Variants in VGLL4 observed in about 807,000 individuals in gnomAD.
The protein encoded by VGLL4 is vestigial like family member 4.
Under a neutral mutation model 21.0 loss-of-function variants are expected in VGLL4, and 7 were observed. The observed-to-expected ratio is 0.33, with a 90% CI of 0.19 to 0.63. The LOEUF (loss-of-function observed/expected upper bound fraction) is 0.63, where lower values mean the gene tolerates loss of function less well. VGLL4 is among the 20% of genes least tolerant of loss of function. The pLI, the probability that VGLL4 is intolerant of heterozygous loss-of-function variation, is 0.78. For synonymous variants in VGLL4, 222 were observed against 173.2 expected, an observed-to-expected ratio of 1.28 and a Z score of -2.21; for missense variants, 394 against 425.7, an observed-to-expected ratio of 0.93 and a Z score of 0.66.
intron 2 of VGLL4, among the ~76,000 whole-genome samples, chr3:11,680,162 C>T (rs1460437404): frequency 6.6e-6 from 1 of 152,226 alleles, no homozygotes; most frequent in East Asian, 1.9e-4. Context: ...GGTGATCCCA[C>T]ACAGCCTAGG....
At chr3:11,559,717 T>G (rs1215427668) in intron 3 of VGLL4, among the ~76,000 whole-genome samples, 2 of 152,158 alleles carry the variant, frequency 1.3e-5, no homozygotes, top group Non-Finnish European at 2.9e-5. Context: ...AACTGTTGAG[T>G]TGGTCTGTCC....
chr3:11,673,124 C>T (rs1311356870), intron 2 of VGLL4, among the ~76,000 whole-genome samples: 1 of 151,994 alleles, frequency 6.6e-6, no homozygotes, highest in Non-Finnish European at 1.5e-5. Context: ...GAATGTCTTC[C>T]CTGCCCTTAA....
At chr3:11,591,011 G>A (rs560151864) in intron 2 of VGLL4, among the ~76,000 whole-genome samples, 1 of 152,272 alleles carries the variant, frequency 6.6e-6, no homozygotes, top group South Asian at 2.1e-4. Context: ...GTCACAGTAA[G>A]AGGTCTATGA....
intron 2 of VGLL4, among the ~76,000 whole-genome samples, chr3:11,601,600 C>T (rs1313526918): frequency 1.3e-5 from 2 of 152,178 alleles, no homozygotes; most frequent in African/African-American, 4.8e-5. Context: ...GTTTAACATG[C>T]GGAAGGTCCT....
intron 2 of VGLL4, among the ~76,000 whole-genome samples, chr3:11,597,885 T>C (rs1446728814): frequency 1.1e-4 from 17 of 152,088 alleles, no homozygotes; most frequent in Non-Finnish European, 1.5e-5. Context: ...TAATAATGAG[T>C]TCAAATACAC....
intron 2 of VGLL4, among the ~76,000 whole-genome samples, chr3:11,669,165 T>C (rs1451866255): frequency 6.6e-6 from 1 of 152,232 alleles, no homozygotes; most frequent in Non-Finnish European, 1.5e-5. Context: ...TAATTAAATA[T>C]TCTTAAAAAT....
At chr3:11,683,034 A>G (rs912573330) in intron 2 of VGLL4, among the ~76,000 whole-genome samples, 1 of 152,046 alleles carries the variant, frequency 6.6e-6, no homozygotes, top group African/African-American at 2.4e-5. Context: ...TCAAGACCAA[A>G]TGGCCAACAT....
chr3:11,696,424 A>G lies in VGLL4; in HGVS notation c.64+6547T>C, dbSNP rs55728464. On this transcript the variant is annotated intron_variant, in intron 2 of 5. Transcript: ENST00000273038. ...TGCCCCTTTGCTGTACCATGCCTCA[A>G]TCGAGTCCACCTTGTAGATGCTGAT... 3.0e-3 allele frequency among the ~76,000 whole-genome samples: 462 copies of G among 152,276 alleles called. 4 individuals are homozygous for G. Among genetic ancestry groups the G allele is most frequent in the African/African-American group, 0.01 (435 of 41,546 alleles).
intron 1 of VGLL4, among the ~76,000 whole-genome samples, chr3:11,628,370 A>G (rs1441863120): frequency 6.6e-6 from 1 of 152,064 alleles, no homozygotes; most frequent in Non-Finnish European, 1.5e-5. Flanking sequence ...CCTGGGCAAC[A>G]AGAGTGAAAC....
rs139718108 is a variant in VGLL4 at position 11,654,378 on chromosome 3, CAG to C, written c.64+48591_64+48592del. 5.2e-3 allele frequency among the ~76,000 whole-genome samples: 789 copies of C among 152,262 alleles called. 10 individuals are homozygous for C. The highest frequency in any genetic ancestry group is 0.018 in the African/African-American group (750 of 41,552). On this transcript the variant is annotated intron_variant, in intron 2 of 5. Coordinates refer to the VGLL4 transcript ENST00000273038. The stretch of plus-strand genomic sequence containing the variant: ...TCGCGACAATGCGGAGATGAGGAAA[CAG>C]ATACCAAGCAGGCTCCTTGGCTCCT...
chr3:11,657,763 C>T (rs1031997876), intron 2 of VGLL4, among the ~76,000 whole-genome samples: 2 of 152,080 alleles, frequency 1.3e-5, no homozygotes, highest in Admixed American at 6.6e-5. Flanking sequence ...CAGTGTTCTA[C>T]GAAACTATTC....
intron 3 of VGLL4, among the ~76,000 whole-genome samples, chr3:11,563,927 G>A (rs1020225565): frequency 6.6e-6 from 1 of 152,180 alleles, no homozygotes; most frequent in Admixed American, 6.5e-5. Context: ...ATCAGACACG[G>A]ACACCAGGCA....
At chr3:11,609,299 A>G (rs2075010650) in intron 1 of VGLL4, among the ~76,000 whole-genome samples, 1 of 152,350 alleles carries the variant, frequency 6.6e-6, no homozygotes, top group African/African-American at 2.4e-5. Flanking sequence ...TTTACTGCTC[A>G]TCAAGAAATA....
chr3:11,591,936 T>C (rs2074508950), intron 2 of VGLL4, among the ~76,000 whole-genome samples: 1 of 152,246 alleles, frequency 6.6e-6, no homozygotes, highest in African/African-American at 2.4e-5. Context: ...TATTGCAGTT[T>C]CCACATTAGT....
At chr3:11,569,472 G>A (rs1456477884) in intron 2 of VGLL4, among the ~76,000 whole-genome samples, 1 of 152,216 alleles carries the variant, frequency 6.6e-6, no homozygotes, top group Non-Finnish European at 1.5e-5. Flanking sequence ...AAAGCAGCCC[G>A]TCCCCATGCC....
At chr3:11,584,221 G>A (rs1212347179) in intron 2 of VGLL4, among the ~76,000 whole-genome samples, 3 of 152,144 alleles carry the variant, frequency 2.0e-5, no homozygotes, top group African/African-American at 7.2e-5. Flanking sequence ...AGAGAAAGAA[G>A]ATGAATACTC....
intron 2 of VGLL4, among the ~76,000 whole-genome samples, chr3:11,595,149 G>A (rs1481056519): frequency 6.6e-6 from 1 of 151,462 alleles, no homozygotes; most frequent in East Asian, 1.9e-4. Context: ...CAACAAGAGT[G>A]AAACTCCATC....
intron 2 of VGLL4, among the ~76,000 whole-genome samples, chr3:11,699,286 A>C (rs564804816): frequency 8.5e-5 from 13 of 152,246 alleles, no homozygotes; most frequent in Non-Finnish European, 1.9e-4. Context: ...TGAATTAGGT[A>C]ACAGAAAATA....
rs1230279377 is a variant in VGLL4, at chr3:11,653,009, G to A, written c.64+49962C>T. Among the ~76,000 whole-genome samples, 3 of 152,274 alleles carry A rather than the reference G, an allele frequency of 2.0e-5. No homozygotes were observed. In the East Asian group the frequency reaches 5.8e-4, roughly 29 times the overall value. On this transcript the variant is annotated intron_variant, in intron 2 of 5. Coordinates refer to the VGLL4 transcript ENST00000273038. The surrounding 1 kb of genome is among the most constrained non-coding windows in gnomAD (Gnocchi z 4.2). Reference sequence around the variant, plus strand: ...CATAATTACTCATAGATGTATTCCTGCAAGATTGACTAGAACTGACTTCCA... The same window carrying A: ...CATAATTACTCATAGATGTATTCCTACAAGATTGACTAGAACTGACTTCCA...
Sources: allele counts gnomAD v4.1 joint callset (sites outside exome capture counted in the v4.1 genomes callset), GRCh38; gene constraint gnomAD v4.1.1; non-coding constraint Gnocchi (gnomAD v3.1); transcripts MANE v1.5; gene names NCBI Gene and HGNC (gene_info 2026-07-23, HGNC 2026-07-21).